The following SCN4A variants were observed in gnomAD, a reference collection of about 807,000 sequenced individuals.
SCN4A encodes the protein sodium channel protein type 4 subunit alpha.
Under a neutral mutation model 162.0 loss-of-function variants are expected in SCN4A, and 83 were observed. The observed-to-expected ratio is 0.51, with a 90% CI of 0.43 to 0.61. The LOEUF (loss-of-function observed/expected upper bound fraction) is 0.61, where lower values mean the gene tolerates loss of function less well. SCN4A is among the 20% of genes least tolerant of loss of function. The pLI is 0.00. For missense variants in SCN4A, 2,196 were observed against 2,462.5 expected, an observed-to-expected ratio of 0.89 and a Z score of 2.29; for synonymous variants, 944 against 985.1, an observed-to-expected ratio of 0.96 and a Z score of 0.78.
Position 63,941,268 on chromosome 17 carries a change from C to G in SCN4A, c.5014G>C (p.Asp1672His). 6.2e-7 allele frequency: 1 copy of G among 1,613,874 alleles called. No individual in the cohort carries two copies. The highest frequency in any genetic ancestry group is 8.5e-7 in the Non-Finnish European group (1 of 1,179,858). ...AGGATGTCCAGGCAGTGGATCTTGT[C>G]CCCTGGCACCATGGGCAAGTCCAGT... ...ITLDLPMVPG[D>H]KIHCLDILFA... The change falls in exon 24 of 24, where the codon GAC (aspartate) becomes CAC (histidine). Residue 1672 changes from aspartate to histidine, a missense_variant. Asp to His is a moderately conservative substitution (Grantham distance 81). Transcript: ENST00000435607. The surrounding 1 kb of genome is among the most constrained non-coding windows in gnomAD (Gnocchi z 6.2).
intron 18 of SCN4A, among the ~76,000 whole-genome samples, chr17:63,946,472 CCA>C (rs71870129): frequency 0.011 from 1,463 of 128,714 alleles, 80 homozygotes; most frequent in African/African-American, 0.049. Context: ...GCCCCCCCCC[CCA>C]CCCCGCCGCA....
chr17:63,945,572 A>T lies in SCN4A; in HGVS notation c.3508T>A (p.Phe1170Ile), dbSNP rs1908689896. The change falls in exon 19 of 24, where the codon TTC becomes ATC. Residue 1170 changes from phenylalanine (F) to isoleucine (I), a missense_variant. By Grantham distance (21) the Phe-to-Ile change is conservative (BLOSUM62 0). Coordinates refer to ENST00000435607, the MANE Select transcript of SCN4A (RefSeq NM_000334.4). This position sits in a 1 kb window ranked among gnomAD's most constrained non-coding sequence, Gnocchi z 4.4. ...IMNVLLVCLIFWLIFSIMGVN... is the reference protein window; with the variant it reads ...IMNVLLVCLIIWLIFSIMGVN... The stretch of plus-strand genomic sequence containing the variant: ...CCCATGATGCTGAAGATCAGCCAGA[A>T]GATGAGGCAGACAAGCAGCACATTC... 1 of 1,613,956 alleles carries T rather than the reference A, an allele frequency of 6.2e-7. No homozygotes were observed.
chr17:63,967,874 A>C (rs1909498017), intron 6 of SCN4A, 149 bp downstream of exon 6: 1 of 681,696 alleles, frequency 1.5e-6, no homozygotes, highest in African/African-American at 1.8e-5. Flanking sequence ...CGGAGGTTGT[A>C]GTGAGCTGAG....
chr17:63,964,800 G>C (rs1399060983), intron 8 of SCN4A, 123 bp from the exon 9 acceptor site: 13 of 719,022 alleles, frequency 1.8e-5, no homozygotes, highest in Non-Finnish European at 1.2e-5. Context: ...CAGAGCCTGG[G>C]GGACTGATGG....
Position 63,972,623 on chromosome 17 carries a change from C to A in SCN4A, c.219G>T (p.Pro73=), listed in dbSNP as rs779890709. ...CCTCCAGGGGGATGCCGATGACCTCCGGCGGGGGGTCTCCGTAGATCATGG... is the reference window on the plus strand; with the variant it reads ...CCTCCAGGGGGATGCCGATGACCTCAGGCGGGGGGTCTCCGTAGATCATGG... The part of the protein sequence containing the change: ...NLPMIYGDPP[P]EVIGIPLEDL... Residue 73 remains proline, a synonymous_variant, in exon 1 of 24, where the codon CCG becomes CCT. Coordinates refer to ENST00000435607, the MANE Select transcript of SCN4A (RefSeq NM_000334.4). This position sits in a 1 kb window ranked among gnomAD's most constrained non-coding sequence, Gnocchi z 4.3. 2 of 1,607,444 alleles carry A rather than the reference C, an allele frequency of 1.2e-6. No individual in the cohort carries two copies. Among genetic ancestry groups the A allele is most frequent in the South Asian group, 2.2e-5 (2 of 90,076 alleles).
rs7218917 is a variant in SCN4A at position 63,968,195 on chromosome 17, G to A, written c.864C>T (p.Asn288=). 38,471 of 1,613,920 alleles carry A rather than the reference G, an allele frequency of 0.024. 1,454 individuals carry two copies. Among genetic ancestry groups the A allele is most frequent in the African/African-American group, 0.17 (12,781 of 74,960 alleles). ...QKCVRWPPPF[N]DTNTTWYSND... Reference sequence around the variant, plus strand: ...TGCTGTACCACGTGGTGTTGGTGTCGTTGAACGGCGGGGGCCAGCGCACAC... The same window carrying A: ...TGCTGTACCACGTGGTGTTGGTGTCATTGAACGGCGGGGGCCAGCGCACAC... The change falls in exon 6 of 24, where the codon AAC becomes AAT. Residue 288 remains asparagine (N), a synonymous_variant. Transcript: ENST00000435607.
chr17:63,961,389 T>G lies in SCN4A; in HGVS notation c.1649A>C (p.Lys550Thr), dbSNP rs1272569383. ...CCATATGAGCACTTTGTGGGCGCACTTGTACCACCATGGTGGGCACTTTTG... is the reference window on the plus strand; with the variant it reads ...CCATATGAGCACTTTGTGGGCGCACGTGTACCACCATGGTGGGCACTTTTG... ...AHQKCPPWWY[K>T]CAHKVLIWNC... Residue 550 changes from lysine (K) to threonine (T), a missense_variant, in exon 11 of 24, where the codon AAG (lysine) becomes ACG (threonine). By Grantham distance (78) the Lys-to-Thr change is moderately conservative. Coordinates refer to ENST00000435607, the MANE Select transcript of SCN4A (RefSeq NM_000334.4). 6.2e-7 allele frequency: 1 copy of G among 1,613,802 alleles called. No individual in the cohort carries two copies. Among genetic ancestry groups the G allele is most frequent in the Non-Finnish European group, 8.5e-7 (1 of 1,179,778 alleles).
chr17:63,966,219 G>A lies in SCN4A; in HGVS notation c.1125C>T (p.Cys375=), dbSNP rs557322255. The change falls in exon 8 of 24, where the codon TGC becomes TGT. Residue 375 remains cysteine, a synonymous_variant. Coordinates refer to ENST00000435607, the MANE Select transcript of SCN4A (RefSeq NM_000334.4). ...AGTTGGGGTTCCGCCCGGTCTTGAT[G>A]CACTCATAACCCTCAGGGCAGTGCC... The part of the protein sequence containing the change: ...DAGHCPEGYE[C]IKTGRNPNYG... 6 of 1,604,704 alleles carry A rather than the reference G, an allele frequency of 3.7e-6. No individual in the cohort carries two copies. In the South Asian group the frequency reaches 4.5e-5, roughly 12 times the overall value.
chr17:63,947,457 A>G (rs1908762923), intron 17 of SCN4A, among the ~76,000 whole-genome samples: 1 of 152,138 alleles, frequency 6.6e-6, no homozygotes. Flanking sequence ...GAGGCTAAGA[A>G]AATCCTCCAT....
At position 63,945,971 on chromosome 17, in the gene SCN4A, GCTCA is replaced by G. The variant is rs1908704928; in HGVS notation, c.3442-337_3442-334del. 6.6e-6 allele frequency among the ~76,000 whole-genome samples: 1 copy of G among 152,130 alleles called. No homozygotes were observed. Among genetic ancestry groups the G allele is most frequent in the South Asian group, 2.1e-4 (1 of 4,834 alleles). ...TTGCTCAGCCCCCATAGGAAACTCAGCTCACGTGACCCAGCCCCTGCTCATGGGT... is the reference window on the plus strand; with the variant it reads ...TTGCTCAGCCCCCATAGGAAACTCAGCGTGACCCAGCCCCTGCTCATGGGT... On this transcript the variant is annotated intron_variant, in intron 18 of 23. Coordinates refer to ENST00000435607, the MANE Select transcript of SCN4A (RefSeq NM_000334.4). This position sits in a 1 kb window ranked among gnomAD's most constrained non-coding sequence, Gnocchi z 4.4.
chr17:63,972,743 C>T lies in SCN4A; in HGVS notation c.99G>A (p.Val33=), dbSNP rs776782876. 7.4e-6 allele frequency: 12 copies of T among 1,613,692 alleles called. No homozygotes were observed. The highest frequency in any genetic ancestry group is 1.1e-5 in the South Asian group (1 of 91,054). Residue 33 remains valine, a synonymous_variant, in exon 1 of 24, where the codon GTG becomes GTA. Coordinates refer to ENST00000435607, the MANE Select transcript of SCN4A (RefSeq NM_000334.4). This position sits in a 1 kb window ranked among gnomAD's most constrained non-coding sequence, Gnocchi z 4.3. ...TCCGCTGCAGCCGGGCCTCCTCCTC[C>T]ACCGCCCGCTGTTCTATGGCTGCCA... ...ESLAAIEQRA[V]EEEARLQRNK...
chr17:63,966,417 C>G (rs1909448234), intron 7 of SCN4A, 64 bp downstream of exon 7: 2 of 1,509,372 alleles, frequency 1.3e-6, no homozygotes, highest in African/African-American at 1.4e-5. Context: ...GTCCTCATCT[C>G]TAATCAGCTC....
At position 63,959,359 on chromosome 17, in the gene SCN4A, C is replaced by T; in HGVS notation, c.1925G>A (p.Trp642Ter). Residue 642 changes from tryptophan (W) to a stop codon, truncating the protein, a stop_gained, in exon 12 of 24, where the codon TGG becomes TAG. Coordinates refer to ENST00000435607, the MANE Select transcript of SCN4A (RefSeq NM_000334.4). LOFTEE classifies it high-confidence loss of function. ...MDPYEYFQQG[W>*]NIFDSIIVTL... ...GACGATGATGCTGTCGAAGATATTCCAACCCTGCTGGAAATACTCGTAGGG... is the reference window on the plus strand; with the variant it reads ...GACGATGATGCTGTCGAAGATATTCTAACCCTGCTGGAAATACTCGTAGGG... The T allele has an allele frequency of 6.2e-7, 1 of 1,613,976 alleles. No individual in the cohort carries two copies. The highest frequency in any genetic ancestry group is 8.5e-7 in the Non-Finnish European group (1 of 1,179,852).
Position 63,971,855 on chromosome 17 carries a change from G to A in SCN4A, c.483-5C>T, listed in dbSNP as rs191547933. Reference sequence around the variant, plus strand: ...TAGATCCCTGTGAAGGTGTACCTGGGGGGGAGAGGGCCGGCCGGGACAGGC... The same window carrying A: ...TAGATCCCTGTGAAGGTGTACCTGGAGGGGAGAGGGCCGGCCGGGACAGGC... On this transcript the variant is annotated splice_polypyrimidine_tract_variant and splice_region_variant and intron_variant, in intron 3 of 23. Coordinates refer to ENST00000435607, the MANE Select transcript of SCN4A (RefSeq NM_000334.4). 5.1e-5 allele frequency: 78 copies of A among 1,525,790 alleles called. No individual in the cohort carries two copies. The African/African-American group carries it at 6.9e-4, about 13-fold the overall frequency. 94.5% of individuals were successfully genotyped at this position (1,525,790 alleles called of 1,614,324 possible). A position where few individuals can be genotyped will look rare whatever the true frequency, so the allele number is the denominator to read the frequency against.
intron 13 of SCN4A, among the ~76,000 whole-genome samples, chr17:63,953,340 A>T (rs1035454046): frequency 6.6e-6 from 1 of 151,446 alleles, no homozygotes; most frequent in Non-Finnish European, 1.5e-5. Context: ...AGCCGGGGCG[A>T]CAGAGCGAGA....
intron 15 of SCN4A, 82 bp downstream of exon 15, chr17:63,949,311 C>T (rs775566328): frequency 7.0e-7 from 1 of 1,432,712 alleles, no homozygotes; most frequent in Non-Finnish European, 9.3e-7. Context: ...GGTCCGTGTG[C>T]TTTTGGTCCT....
At position 63,949,422 on chromosome 17, in the gene SCN4A, C is replaced by T. The variant is rs1311147103; in HGVS notation, c.2960G>A (p.Gly987Glu). Reference protein sequence around the residue: ...PEEQAEENPEGEQPEECFTEA... With the variant: ...PEEQAEENPEEEQPEECFTEA... ...AGTGAAGCACTCCTCAGGCTGCTCCCCCTCGGGGTTCTCCTCTGCCTGCTC... is the reference window on the plus strand; with the variant it reads ...AGTGAAGCACTCCTCAGGCTGCTCCTCCTCGGGGTTCTCCTCTGCCTGCTC... The change falls in exon 15 of 24, where the codon GGG becomes GAG. Residue 987 changes from glycine to glutamate, a missense_variant. Transcript: ENST00000435607. 6.3e-7 allele frequency: 1 copy of T among 1,594,292 alleles called. No individual in the cohort carries two copies. Among genetic ancestry groups the T allele is most frequent in the Non-Finnish European group, 8.5e-7 (1 of 1,169,850 alleles).
rs184208087 is a variant in SCN4A, at chr17:63,950,796, C to T, written c.2853+628G>A. On this transcript the variant is annotated intron_variant, in intron 14 of 23. Transcript: ENST00000435607. This position sits in a 1 kb window ranked among gnomAD's most constrained non-coding sequence, Gnocchi z 4.6. ...CACCGCTGCGTTCCTGTCCCTTCCT[C>T]GACCTCGCAGTGGAGGGGTGGGGAG... Among the ~76,000 whole-genome samples the T allele has an allele frequency of 2.0e-5, 3 of 152,336 alleles. No homozygotes were observed. The highest frequency in any genetic ancestry group is 2.9e-5 in the Non-Finnish European group (2 of 68,036).
In SCN4A at chr17:63,952,493, C is replaced by T. The variant is rs182079435; in HGVS notation, c.2377-593G>A. ...CCTTTACCTCCACTTCTGGAGGATG[C>T]GGAACAAAGAACTGGGCTCAAGTCG... On this transcript the variant is annotated intron_variant, in intron 13 of 23. Coordinates refer to ENST00000435607, the MANE Select transcript of SCN4A (RefSeq NM_000334.4). Among the ~76,000 whole-genome samples the T allele has an allele frequency of 4.1e-4, 63 of 152,092 alleles. 1 individual carries two copies. Among genetic ancestry groups the T allele is most frequent in the Non-Finnish European group, 4.3e-4 (29 of 68,004 alleles).
Sources: gnomAD v4.1 joint callset for allele counts (sites outside exome capture counted in the v4.1 genomes callset) on GRCh38, gnomAD v4.1.1 for gene constraint, Gnocchi (gnomAD v3.1) non-coding constraint, MANE v1.5 for transcripts, NCBI Gene and HGNC (gene_info 2026-07-23, HGNC 2026-07-21) for gene names.